Variants in LPP observed in about 807,000 individuals in gnomAD.
LPP encodes the protein lipoma-preferred partner.
Under a neutral mutation model 60.4 loss-of-function variants are expected in LPP, and 38 were observed. That is an observed-to-expected ratio of 0.63 (90% CI 0.49 to 0.83). The LOEUF is 0.83. Ranked by LOEUF, LPP falls within the 40% of genes least tolerant of loss-of-function variation. LPP has a pLI of 0.00. For synonymous variants in LPP, 328 were observed against 290.8 expected, an observed-to-expected ratio of 1.13 and a Z score of -1.30; for missense variants, 902 against 783.6, an observed-to-expected ratio of 1.15 and a Z score of -1.80.
chr3:188,489,159 G>T (rs1002654560), intron 5 of LPP, among the ~76,000 whole-genome samples: 1 of 152,152 alleles, frequency 6.6e-6, no homozygotes, highest in African/African-American at 2.4e-5. Context: ...ATGTTTATGG[G>T]TAATTATGAT....
At chr3:188,371,959 GTTGTGGGAA>G (rs1773394452) in intron 3 of LPP, among the ~76,000 whole-genome samples, 1 of 151,188 alleles carries the variant, frequency 6.6e-6, no homozygotes, top group African/African-American at 2.4e-5. Context: ...TGCCAGGCCA[GTTGTGGGAA>G]TTTTATAAGG....
intron 3 of LPP, among the ~76,000 whole-genome samples, chr3:188,399,635 A>T (rs937536074): frequency 9.2e-5 from 14 of 152,334 alleles, no homozygotes; most frequent in African/African-American, 2.6e-4. Context: ...TCATTTAAAG[A>T]TTAATAGAAA....
At chr3:188,858,198 A>G (rs767754716) in intron 9 of LPP, among the ~76,000 whole-genome samples, 12 of 152,146 alleles carry the variant, frequency 7.9e-5, no homozygotes, top group Non-Finnish European at 1.3e-4. Context: ...TAAAGGCAAA[A>G]TCTATCATTT....
At chr3:188,357,205 T>C (rs1767869799) in intron 3 of LPP, among the ~76,000 whole-genome samples, 1 of 152,198 alleles carries the variant, frequency 6.6e-6, no homozygotes, top group Admixed American at 6.5e-5. Context: ...AGCCTTCATG[T>C]ATCAACATAA....
intron 8 of LPP, among the ~76,000 whole-genome samples, chr3:188,731,517 T>TTTTGTTTTGTTTTGC (rs1553817788): frequency 1.1e-4 from 1 of 9,324 alleles, no homozygotes. Context: ...TTTTTGTTTT[T>TTTTGTTTTGTTTTGC]TTTGTTTTGT....
At chr3:188,694,111 G>T (rs1015667892) in intron 7 of LPP, among the ~76,000 whole-genome samples, 1 of 152,096 alleles carries the variant, frequency 6.6e-6, no homozygotes, top group Non-Finnish European at 1.5e-5. Flanking sequence ...TTTTAGAAAG[G>T]CCTAAGTTGT....
At chr3:188,393,120 T>A (rs1260593960) in intron 3 of LPP, among the ~76,000 whole-genome samples, 2 of 151,782 alleles carry the variant, frequency 1.3e-5, no homozygotes, top group African/African-American at 4.8e-5. Flanking sequence ...TCACTGATAA[T>A]CTCGTATGTG....
In LPP at chr3:188,874,407, G is replaced by C. The variant is rs1560326777; in HGVS notation, c.1767G>C (p.Gly589=). ...ACCAAGGCTGCTACCCCTTGGATGG[G>C]CACATCCTCTGCAAGACCTGCAACT... ...GDNQGCYPLD[G]HILCKTCNSA... Residue 589 remains glycine (G), a synonymous_variant, in exon 12 of 12, where the codon GGG becomes GGC. Transcript: ENST00000617246. 2 of 1,613,984 alleles carry C rather than the reference G, an allele frequency of 1.2e-6. No homozygotes were observed. The highest frequency in any genetic ancestry group is 1.7e-5 in the Admixed American group (1 of 60,006).
intron 6 of LPP, among the ~76,000 whole-genome samples, chr3:188,566,729 A>T (rs1248423883): frequency 6.6e-6 from 1 of 151,846 alleles, no homozygotes; most frequent in Non-Finnish European, 1.5e-5. Context: ...ATGCTTTGGG[A>T]TATGATGCCA....
intron 9 of LPP, among the ~76,000 whole-genome samples, chr3:188,825,269 C>CTCTCTGTGTGTGTG (rs1463318065): frequency 3.6e-4 from 37 of 101,752 alleles, no homozygotes; most frequent in Admixed American, 3.0e-3. Context: ...CTCTCTCTCT[C>CTCTCTGTGTGTGTG]TGTGTGTGTG....
chr3:188,303,715 C>G (rs1000266314), intron 2 of LPP, among the ~76,000 whole-genome samples: 2 of 152,164 alleles, frequency 1.3e-5, no homozygotes, highest in Non-Finnish European at 2.9e-5. Flanking sequence ...TGTTTTATAA[C>G]AGGAGTTTCC....
chr3:188,646,870 C>T (rs1851200753), intron 7 of LPP, among the ~76,000 whole-genome samples: 1 of 152,184 alleles, frequency 6.6e-6, no homozygotes, highest in Admixed American at 6.5e-5. Context: ...CAAATACAGT[C>T]TCTGGAATCA....
intron 1 of LPP, among the ~76,000 whole-genome samples, chr3:188,160,185 C>T (rs766248107): frequency 6.6e-6 from 1 of 151,900 alleles, no homozygotes; most frequent in Non-Finnish European, 1.5e-5. Context: ...GCTGGGATTA[C>T]AGGCGTGAGC....
At chr3:188,725,266 G>A (rs563224388) in intron 8 of LPP, 2 of 152,376 alleles carry the variant, frequency 1.3e-5, no homozygotes, top group African/African-American at 2.4e-5. Context: ...GGTGGTATGG[G>A]GATACTTTTG....
At position 188,275,507 on chromosome 3, in the gene LPP, G is replaced by A. The variant is rs117302762; in HGVS notation, c.-67+49980G>A. ...CCTGAGTAGCTGGGACGGTGGGTGT[G>A]CACCACTGTGCCTGGCTCTCCACCT... On this transcript the variant is annotated intron_variant, in intron 2 of 11. Transcript: ENST00000617246. 9.8e-4 allele frequency among the ~76,000 whole-genome samples: 149 copies of A among 152,280 alleles called. No homozygotes were observed. The East Asian group carries it at 0.023, about 24-fold the overall frequency.
At chr3:188,644,602 A>T (rs1850764750) in intron 7 of LPP, among the ~76,000 whole-genome samples, 1 of 152,170 alleles carries the variant, frequency 6.6e-6, no homozygotes, top group African/African-American at 2.4e-5. Flanking sequence ...AAATTCATCT[A>T]TTATTTATTC....
intron 8 of LPP, among the ~76,000 whole-genome samples, chr3:188,728,016 G>T (rs1719056495): frequency 6.6e-6 from 1 of 152,070 alleles, no homozygotes; most frequent in East Asian, 1.9e-4. Flanking sequence ...GATTGTTAAG[G>T]CTGGAGGAAA....
chr3:188,613,273 T>TCTATAC (rs1844124291), intron 7 of LPP, among the ~76,000 whole-genome samples: 3 of 136,074 alleles, frequency 2.2e-5, no homozygotes, highest in Non-Finnish European at 4.8e-5. Flanking sequence ...TATATCTATA[T>TCTATAC]CTATATCTAT....
intron 3 of LPP, among the ~76,000 whole-genome samples, chr3:188,394,192 A>T (rs1432708480): frequency 6.6e-6 from 1 of 152,246 alleles, no homozygotes; most frequent in East Asian, 1.9e-4. Context: ...ATAAAGATGT[A>T]AACTGAGTGG....
Sources: gnomAD v4.1 joint callset for allele counts (sites outside exome capture counted in the v4.1 genomes callset) on GRCh38, gnomAD v4.1.1 for gene constraint, MANE v1.5 for transcripts, NCBI Gene and HGNC (gene_info 2026-07-23, HGNC 2026-07-21) for gene names.